The following TINF2 variants were observed in gnomAD, a reference collection of about 807,000 sequenced individuals.
The protein encoded by TINF2 is TERF1 interacting nuclear factor 2.
A neutral mutation model predicts 50.4 loss-of-function variants in TINF2; 27 were observed. The observed-to-expected ratio is 0.54, with a 90% confidence interval of 0.40 to 0.74. TINF2 has a LOEUF of 0.74. TINF2 is among the 30% of genes least tolerant of loss of function. The pLI, the probability that TINF2 is intolerant of heterozygous loss-of-function variation, is 0.00. For missense variants in TINF2, 496 were observed against 551.5 expected, an observed-to-expected ratio of 0.90 and a Z score of 1.01; for synonymous variants, 223 against 214.6, an observed-to-expected ratio of 1.04 and a Z score of -0.34.
In TINF2 at chr14:24,242,609, G is replaced by C. The variant is rs886050435; in HGVS notation, c.-277C>G. The C allele has an allele frequency of 7.0e-5, 90 of 1,280,018 alleles. No individual in the cohort carries two copies. Among genetic ancestry groups the C allele is most frequent in the Non-Finnish European group, 8.8e-5 (89 of 1,009,544 alleles). The allele number at this position is 1,280,018 out of a possible 1,614,324, so 79.3% of individuals were successfully genotyped here. On this transcript the variant is annotated 5_prime_UTR_variant, in exon 1 of 9. Transcript: ENST00000267415. ...GCTTTAAACGTCGCCGCTGTCTCGA[G>C]CCCGAGGGTGCCTCACTTCCGGCTC...
Position 24,239,709 on chromosome 14 carries a change from C to G in TINF2, c.*88G>C. 2 of 1,612,688 alleles carry G rather than the reference C, an allele frequency of 1.2e-6. No homozygotes were observed. The highest frequency in any genetic ancestry group is 1.7e-6 in the Non-Finnish European group (2 of 1,179,702). ...TTTTTAGCAGTGTAGTTAGGCAATC[C>G]AAGCCTGGACTTCCACTTCATTCCT... On this transcript the variant is annotated 3_prime_UTR_variant, in exon 9 of 9. Coordinates refer to ENST00000267415, the MANE Select transcript of TINF2 (RefSeq NM_001099274.3).
chr14:24,240,474 C>A lies in TINF2; in HGVS notation c.1006G>T (p.Gly336Trp). The change falls in exon 6 of 9, where the codon GGG becomes TGG. Residue 336 changes from glycine to tryptophan, a missense_variant. Physicochemically the swap from Gly to Trp is radical, Grantham distance 184. Transcript: ENST00000267415. ...GGGTTCTCCTTCAGAGCCCTTCCCC[C>A]CAGGGTCTGGCATGGACTCTTAGAC... ...GKSKSPCQTL[G>W]GRALKENPVD... 2 of 1,614,198 alleles carry A rather than the reference C, an allele frequency of 1.2e-6. No homozygotes were observed. Among genetic ancestry groups the A allele is most frequent in the African/African-American group, 1.3e-5 (1 of 75,046 alleles).
rs17102313 is a variant in TINF2 at position 24,240,770 on chromosome 14, C to T, written c.710G>A (p.Gly237Asp). ...AGATGGTCCCTGAGGAAGATGTGTG[C>T]CAGGCTTGGCTTTTGGCAGGGGATT... is the stretch of plus-strand genomic sequence containing the variant. ...LHNPLPKAKP[G>D]THLPQGPSSR... is the part of the protein sequence containing the mutation. The change falls in exon 6 of 9, where the codon GGC (glycine) becomes GAC (aspartate). Residue 237 changes from glycine to aspartate, a missense_variant. By Grantham distance (94) the Gly-to-Asp change is moderately conservative. Around this residue, in one of 3 missense-constraint regions of TINF2, gnomAD observed 314 missense variants for 343.8 expected, o/e 0.91. Transcript: ENST00000267415. 6.4e-3 allele frequency: 10,339 copies of T among 1,613,564 alleles called. 604 individuals are homozygous for T. The African/African-American group carries it at 0.12, about 19-fold the overall frequency.
At chr14:24,241,390 G>A (rs919049999) in intron 3 of TINF2, 79 bp from the exon 4 acceptor site, 18 of 1,438,186 alleles carry the variant, frequency 1.3e-5, no homozygotes, top group Non-Finnish European at 1.8e-5. Context: ...GGCCATTTGG[G>A]AGGCCGAGGT....
rs775665395 is a variant in TINF2, at chr14:24,242,360, C to T, written c.-28G>A. 17 of 1,605,378 alleles carry T rather than the reference C, an allele frequency of 1.1e-5. No individual in the cohort carries two copies. The highest frequency in any genetic ancestry group is 8.5e-5 in the Admixed American group (5 of 58,980). Reference sequence around the variant, plus strand: ...TCGGCGGGCTCCGCCCGGAGGCGGTCCCTCCGGGTTCCTCACCCGGATGGG... The same window carrying T: ...TCGGCGGGCTCCGCCCGGAGGCGGTTCCTCCGGGTTCCTCACCCGGATGGG... On this transcript the variant is annotated 5_prime_UTR_variant, in exon 1 of 9. Coordinates refer to ENST00000267415, the MANE Select transcript of TINF2 (RefSeq NM_001099274.3).
chr14:24,241,453 A>C, intron 3 of TINF2, 142 bp from the exon 4 acceptor site: 2 of 872,360 alleles, frequency 2.3e-6, no homozygotes, highest in Non-Finnish European at 1.9e-6. Context: ...AACATGGTGA[A>C]ACCCCATCTC....
In TINF2 at chr14:24,242,301, G is replaced by A; in HGVS notation, c.32C>T (p.Ala11Val). 6.2e-7 allele frequency: 1 copy of A among 1,613,074 alleles called. No homozygotes were observed. Among genetic ancestry groups the A allele is most frequent in the Non-Finnish European group, 8.5e-7 (1 of 1,179,772 alleles). The change falls in exon 1 of 9, where the codon GCT (alanine) becomes GTT (valine). Residue 11 changes from alanine (A) to valine (V), a missense_variant. Around this residue, in one of 3 missense-constraint regions of TINF2, gnomAD observed 314 missense variants for 343.8 expected, o/e 0.91. Coordinates refer to ENST00000267415, the MANE Select transcript of TINF2 (RefSeq NM_001099274.3). ...GCTAGCCGCGGCGGCGAAGCGTAGA[G>A]CTGCGGGACCCGCCACCAGGGGCGT... Reference protein sequence around the residue: MATPLVAGPAALRFAAAASWQ... With the variant: MATPLVAGPAVLRFAAAASWQ...
At chr14:24,241,595 C>G in intron 3 of TINF2, 80 bp downstream of exon 3, 1 of 1,265,094 alleles carries the variant, frequency 7.9e-7, no homozygotes, top group Non-Finnish European at 1.1e-6. Context: ...CCAGCCTGGG[C>G]GACAGAGCAA....
intron 3 of TINF2, 144 bp downstream of exon 3, chr14:24,241,531 C>T (rs1021360357): frequency 3.6e-5 from 29 of 815,626 alleles, no homozygotes; most frequent in Non-Finnish European, 5.9e-5. Context: ...GCAGGAGAAT[C>T]GCTTGAACCC....
intron 5 of TINF2, 40 bp downstream of exon 5, chr14:24,240,980 A>C: frequency 6.2e-7 from 1 of 1,613,826 alleles, no homozygotes; most frequent in Non-Finnish European, 8.5e-7. Context: ...CTGCCTCAAA[A>C]GGTCTCAGGC....
In TINF2 at chr14:24,240,165, G is replaced by T; in HGVS notation, c.1130-10C>A. ...AGAGACGGAGGACACACTGTAGGAG[G>T]GAAACCAGAATCAAACTACTACTTC... On this transcript the variant is annotated splice_polypyrimidine_tract_variant and intron_variant, in intron 7 of 8. Transcript: ENST00000267415. The T allele has an allele frequency of 6.2e-6, 10 of 1,614,012 alleles. No homozygotes were observed. Among genetic ancestry groups the T allele is most frequent in the Non-Finnish European group, 8.5e-6 (10 of 1,180,000 alleles).
At position 24,241,919 on chromosome 14, in the gene TINF2, A is replaced by C; in HGVS notation, c.268T>G (p.Ser90Ala). 6.2e-7 allele frequency: 1 copy of C among 1,614,162 alleles called. No homozygotes were observed. The highest frequency in any genetic ancestry group is 2.2e-5 in the East Asian group (1 of 44,880). ...LKALNHHFPE[S>A]GPIVRDPKAT... is the part of the protein sequence containing the mutation. ...TTGGGATCCCGCACTATAGGTCCAGATTCTGGAAAGTGGTGATTCAGGGCT... is the reference window on the plus strand; with the variant it reads ...TTGGGATCCCGCACTATAGGTCCAGCTTCTGGAAAGTGGTGATTCAGGGCT... Residue 90 changes from serine (S) to alanine (A), a missense_variant, in exon 2 of 9, where the codon TCT becomes GCT. This residue lies in a region of TINF2 where 314 missense variants were observed against 343.8 expected (regional missense o/e 0.91). Transcript: ENST00000267415.
At position 24,242,313 on chromosome 14, in the gene TINF2, G is replaced by A. The variant is rs2040599044; in HGVS notation, c.20C>T (p.Ala7Val). The change falls in exon 1 of 9, where the codon GCG becomes GTG. Residue 7 changes from alanine to valine, a missense_variant. Coordinates refer to ENST00000267415, the MANE Select transcript of TINF2 (RefSeq NM_001099274.3). MATPLV[A>V]GPAALRFAAA... ...GGCGAAGCGTAGAGCTGCGGGACCC[G>A]CCACCAGGGGCGTAGCCATGGTCGG... is the stretch of plus-strand genomic sequence containing the variant. 2 of 1,612,794 alleles carry A rather than the reference G, an allele frequency of 1.2e-6. No individual in the cohort carries two copies. The highest frequency in any genetic ancestry group is 1.7e-6 in the Non-Finnish European group (2 of 1,179,640).
chr14:24,241,680 G>A lies in TINF2; in HGVS notation c.394C>T (p.Leu132=). The change falls in exon 3 of 9, where the codon CTG becomes TTG. Residue 132 remains leucine (L), a synonymous_variant. Coordinates refer to ENST00000267415, the MANE Select transcript of TINF2 (RefSeq NM_001099274.3). ...SEAPVDLASK[L]QELEQEYGEP... ...AGCCTTCAAACCAGTCTCACCTGCA[G>A]CTTCGAGGCCAAATCCACAGGAGCC... 1.2e-6 allele frequency: 2 copies of A among 1,610,126 alleles called. No individual in the cohort carries two copies. The highest frequency in any genetic ancestry group is 1.7e-5 in the Admixed American group (1 of 59,630).
At position 24,239,749 on chromosome 14, in the gene TINF2, AGAGCT is replaced by A. The variant is rs1433395545; in HGVS notation, c.*43_*47del. 2.5e-6 allele frequency: 4 copies of A among 1,614,124 alleles called. No individual in the cohort carries two copies. The highest frequency in any genetic ancestry group is 3.4e-6 in the Non-Finnish European group (4 of 1,179,996). On this transcript the variant is annotated 3_prime_UTR_variant, in exon 9 of 9. Transcript: ENST00000267415. The stretch of plus-strand genomic sequence containing the variant: ...ACTTCATTCCTACTAAACTACTTGC[AGAGCT>A]GAGGAGGCAGGAGACTAGAGTACAG...
rs2040574706 is a variant in TINF2, at chr14:24,241,301, T to C, written c.410A>G (p.Gln137Arg). The change falls in exon 4 of 9, where the codon CAA becomes CGA. Residue 137 changes from glutamine (Q) to arginine (R), a missense_variant. By Grantham distance (43) the Gln-to-Arg change is conservative (BLOSUM62 1). Around this residue, in one of 3 missense-constraint regions of TINF2, gnomAD observed 314 missense variants for 343.8 expected, o/e 0.91. Coordinates refer to ENST00000267415, the MANE Select transcript of TINF2 (RefSeq NM_001099274.3). ...AGCCAGAAAGGGTTCCCCATACTCT[T>C]GTTCAAGTTCCTACAGCAGGGGAGA... ...DLASKLQELEQEYGEPFLAAM... is the reference protein window; with the variant it reads ...DLASKLQELEREYGEPFLAAM... 6 of 1,613,602 alleles carry C rather than the reference T, an allele frequency of 3.7e-6. No individual in the cohort carries two copies. The highest frequency in any genetic ancestry group is 1.3e-5 in the African/African-American group (1 of 74,458).
chr14:24,239,918 T>C lies in TINF2; in HGVS notation c.1235A>G (p.Asn412Ser), dbSNP rs1435146570. 1.2e-6 allele frequency: 2 copies of C among 1,614,022 alleles called. No individual in the cohort carries two copies. Among genetic ancestry groups the C allele is most frequent in the African/African-American group, 2.7e-5 (2 of 74,916 alleles). ...GQGEGKESLENYQKTKFDTLI... is the reference protein window; with the variant it reads ...GQGEGKESLESYQKTKFDTLI... ...GGTGTCAAACTTTGTCTTCTGATAG[T>C]TTTCCAGAGATTCCTGTAGAGAAGG... The change falls in exon 9 of 9, where the codon AAC becomes AGC. Residue 412 changes from asparagine to serine, a missense_variant. By Grantham distance (46) the Asn-to-Ser change is conservative. Around this residue, in one of 3 missense-constraint regions of TINF2, gnomAD observed 179 missense variants for 188.3 expected, o/e 0.95. Coordinates refer to ENST00000267415, the MANE Select transcript of TINF2 (RefSeq NM_001099274.3).
In TINF2 at chr14:24,240,129, C is replaced by A; in HGVS notation, c.1156G>T (p.Val386Phe). The A allele has an allele frequency of 6.2e-7, 1 of 1,614,030 alleles. No individual in the cohort carries two copies. The highest frequency in any genetic ancestry group is 8.5e-7 in the Non-Finnish European group (1 of 1,180,024). ...PVCPPSLCSS[V>F]ITIGDLVLDS... ...AAAACCAAGTCCCCTATGGTAATGA[C>A]GGAGCTGCACAGAGACGGAGGACAC... The change falls in exon 8 of 9, where the codon GTC becomes TTC. Residue 386 changes from valine to phenylalanine, a missense_variant. Val to Phe is a conservative substitution (Grantham distance 50, BLOSUM62 -1). Coordinates refer to ENST00000267415, the MANE Select transcript of TINF2 (RefSeq NM_001099274.3).
In TINF2 at chr14:24,240,580, T is replaced by C. The variant is rs1483280624; in HGVS notation, c.900A>G (p.Ile300Met). The C allele has an allele frequency of 6.2e-7, 1 of 1,614,196 alleles. No homozygotes were observed. Among genetic ancestry groups the C allele is most frequent in the Admixed American group, 1.7e-5 (1 of 60,028 alleles). The change falls in exon 6 of 9, where the codon ATA becomes ATG. Residue 300 changes from isoleucine (I) to methionine (M), a missense_variant. Ile to Met is a conservative substitution (Grantham distance 10). Around this residue, in one of 3 missense-constraint regions of TINF2, gnomAD observed 179 missense variants for 188.3 expected, o/e 0.95. Transcript: ENST00000267415. ...GTTCTTCCTTGCTCTCAGGCTTAGA[T>C]ATGACCTGGGTTGGTGAGCCGAGAT... ...FRNLGSPTQV[I>M]SKPESKEEHA...
Sources: allele counts gnomAD v4.1 joint callset, GRCh38; gene constraint gnomAD v4.1.1; regional missense constraint gnomAD v4.1.1; transcripts MANE v1.5; gene names NCBI Gene and HGNC (gene_info 2026-07-23, HGNC 2026-07-21).